STRN3: variants seen among roughly 807,000 people sequenced by gnomAD.
The protein encoded by STRN3 is striatin-3.
Under a neutral mutation model 95.6 loss-of-function variants are expected in STRN3, and 29 were observed. The ratio of observed to expected loss-of-function variants is 0.30; its 90% CI spans 0.23 to 0.41. The LOEUF (loss-of-function observed/expected upper bound fraction) is 0.41. Among genes scored for constraint, STRN3 ranks in the 10% least tolerant of loss-of-function variants. The pLI is 1.00. For missense variants in STRN3, 890 were observed against 972.1 expected (o/e 0.92, Z 1.12); for synonymous variants, 331 against 357.6 (o/e 0.93, Z 0.84).
At chr14:30,947,313 G>C (rs1254218496) in intron 4 of STRN3, 50 bp from the exon 5 acceptor site, 9 of 1,407,592 alleles carry the variant, frequency 6.4e-6, no homozygotes, top group Non-Finnish European at 8.5e-6. Context: ...ACATGTGCCA[G>C]ACTCAAAATC....
At chr14:30,921,521 T>C (rs1896885053) in intron 8 of STRN3, among the ~76,000 whole-genome samples, 1 of 152,176 alleles carries the variant, frequency 6.6e-6, no homozygotes, top group South Asian at 2.1e-4. Flanking sequence ...CTAATCCTAG[T>C]TTCTCAAAAG....
rs1256015796 is a variant in STRN3, at chr14:30,992,341, G to A, written c.282+33563C>T. ...AATCGCTTGAATCCAGGAGGCAGAG[G>A]TTGCAGTGAACCAAGATTGTGCCAA... On this transcript the variant is annotated intron_variant, in intron 1 of 17. Coordinates refer to ENST00000357479, the MANE Select transcript of STRN3 (RefSeq NM_001083893.2). 2.6e-5 allele frequency among the ~76,000 whole-genome samples: 4 copies of A among 151,690 alleles called. No homozygotes were observed. The East Asian group carries it at 7.8e-4, about 30-fold the overall frequency.
intron 1 of STRN3, among the ~76,000 whole-genome samples, chr14:31,019,082 A>G (rs1307759168): frequency 1.3e-5 from 2 of 152,146 alleles, no homozygotes; most frequent in Non-Finnish European, 2.9e-5. Context: ...ATGCCAAGGT[A>G]GGAGGACTAC....
intron 1 of STRN3, chr14:31,014,550 C>T (rs1447573757): frequency 2.2e-5 from 8 of 369,124 alleles, no homozygotes; most frequent in East Asian, 1.1e-4. Flanking sequence ...GGAATTTTTA[C>T]GTCTGTTTAT....
chr14:30,945,130 G>A (rs73257935), intron 5 of STRN3, among the ~76,000 whole-genome samples: 1,600 of 152,040 alleles, frequency 0.011, 34 homozygotes, highest in African/African-American at 0.036. Context: ...TATCAATTCC[G>A]TATTCATCAA....
intron 14 of STRN3, among the ~76,000 whole-genome samples, chr14:30,905,874 T>C (rs1300357587): frequency 6.6e-6 from 1 of 152,224 alleles, no homozygotes; most frequent in Non-Finnish European, 1.5e-5. Flanking sequence ...AAAATCCTAG[T>C]CTTTTGGCCA....
chr14:30,926,797 T>G (rs991134074), intron 8 of STRN3, among the ~76,000 whole-genome samples: 1 of 152,084 alleles, frequency 6.6e-6, no homozygotes, highest in African/African-American at 2.4e-5. Context: ...TATTGAGACA[T>G]GAAAGCCTTA....
intron 1 of STRN3, among the ~76,000 whole-genome samples, chr14:30,990,255 C>A (rs34638403): frequency 6.6e-6 from 1 of 151,258 alleles, no homozygotes; most frequent in Non-Finnish European, 1.5e-5. Context: ...CTCTGCCTCT[C>A]GGGTTCATGC....
At chr14:30,934,947 T>C (rs1257348365) in intron 7 of STRN3, among the ~76,000 whole-genome samples, 1 of 152,106 alleles carries the variant, frequency 6.6e-6, no homozygotes, top group Admixed American at 6.6e-5. Context: ...ATTCCAAAAA[T>C]CAAAATCCAC....
chr14:30,981,118 C>T (rs1410141529), intron 1 of STRN3, among the ~76,000 whole-genome samples: 3 of 151,440 alleles, frequency 2.0e-5, no homozygotes, highest in Admixed American at 6.6e-5. Flanking sequence ...TCAAGACCAG[C>T]CTGGACAACA....
At chr14:30,912,701 A>C (rs1409513362) in intron 10 of STRN3, among the ~76,000 whole-genome samples, 3 of 152,176 alleles carry the variant, frequency 2.0e-5, no homozygotes, top group East Asian at 1.9e-4. Flanking sequence ...ACAGAGGTTT[A>C]TCTTTTTACC....
At chr14:30,991,790 A>G (rs1240347670) in intron 1 of STRN3, among the ~76,000 whole-genome samples, 1 of 152,100 alleles carries the variant, frequency 6.6e-6, no homozygotes, top group South Asian at 2.1e-4. Context: ...GCCATATTAT[A>G]AAAGACCTTA....
At chr14:30,902,664 A>G (rs768586754) in intron 15 of STRN3, 21 bp from the exon 16 acceptor site, 7 of 1,467,128 alleles carry the variant, frequency 4.8e-6, no homozygotes, top group Admixed American at 3.9e-5. Context: ...AAGGAAGACA[A>G]TAAGTTAAAA....
chr14:31,002,331 G>T (rs1471505230), intron 1 of STRN3, among the ~76,000 whole-genome samples: 1 of 151,798 alleles, frequency 6.6e-6, no homozygotes, highest in Non-Finnish European at 1.5e-5. Context: ...AATTAGCTGG[G>T]TGTGATGGCA....
intron 1 of STRN3, among the ~76,000 whole-genome samples, chr14:30,987,485 T>C (rs142026224): frequency 4.0e-5 from 6 of 151,612 alleles, no homozygotes; most frequent in Admixed American, 6.6e-5. Flanking sequence ...TCAGCCTGGG[T>C]GACAGAGCGA....
intron 1 of STRN3, among the ~76,000 whole-genome samples, chr14:30,994,245 C>A (rs1050469784): frequency 6.6e-6 from 1 of 152,158 alleles, no homozygotes; most frequent in Non-Finnish European, 1.5e-5. Flanking sequence ...CCTGCCTCAG[C>A]CTCCCAAAGT....
intron 1 of STRN3, among the ~76,000 whole-genome samples, chr14:30,993,188 G>A (rs776857293): frequency 7.3e-5 from 11 of 151,118 alleles, no homozygotes; most frequent in Non-Finnish European, 2.9e-5. Flanking sequence ...CTGGGAGGTT[G>A]AGGTTGCAGT....
chr14:30,947,211 G>T lies in STRN3; in HGVS notation c.595C>A (p.Arg199=). ...GATAGTCCAAGTAATGACCTTACCC[G>T]CTGAGACCGTACATCTAATATTGTA... ...TDTILDVRSQ[R]VRSLLGLSNS... is the part of the protein sequence containing the mutation. Residue 199 remains arginine, a synonymous_variant, in exon 5 of 18, where the codon CGG becomes AGG. Transcript: ENST00000357479. 1 of 1,611,122 alleles carries T rather than the reference G, an allele frequency of 6.2e-7. No individual in the cohort carries two copies. The highest frequency in any genetic ancestry group is 8.5e-7 in the Non-Finnish European group (1 of 1,178,762).
At chr14:30,916,400 G>A (rs1164788173) in intron 9 of STRN3, among the ~76,000 whole-genome samples, 3 of 150,850 alleles carry the variant, frequency 2.0e-5, no homozygotes, top group African/African-American at 7.3e-5. Flanking sequence ...TCAACCTCCT[G>A]AATAGCTGGG....
Sources: allele counts gnomAD v4.1 joint callset (sites outside exome capture counted in the v4.1 genomes callset), GRCh38; gene constraint gnomAD v4.1.1; transcripts MANE v1.5; gene names NCBI Gene and HGNC (gene_info 2026-07-23, HGNC 2026-07-21).